Variants in TAPT1 observed in about 807,000 individuals in gnomAD.
TAPT1 encodes the protein transmembrane anterior posterior transformation protein 1 homolog.
In TAPT1, 28 loss-of-function variants were observed where a neutral mutation model predicts 65.6. That is an observed-to-expected ratio of 0.43 (90% CI 0.32 to 0.59). TAPT1 has a LOEUF of 0.59. Ranked by LOEUF, TAPT1 falls within the 20% of genes least tolerant of loss-of-function variation. TAPT1 has a pLI of 0.09. For missense variants in TAPT1, 563 were observed against 679.9 expected, an observed-to-expected ratio of 0.83 and a Z score of 1.91; for synonymous variants, 278 against 245.2, an observed-to-expected ratio of 1.13 and a Z score of -1.25.
At chr4:16,163,900 T>G (rs1260133779) in intron 13 of TAPT1, among the ~76,000 whole-genome samples, 1 of 152,104 alleles carries the variant, frequency 6.6e-6, no homozygotes, top group Non-Finnish European at 1.5e-5. Context: ...ATACAGAACA[T>G]CAGGGAGTGG....
intron 1 of TAPT1, among the ~76,000 whole-genome samples, chr4:16,220,451 C>T (rs1751188817): frequency 6.6e-6 from 1 of 152,154 alleles, no homozygotes; most frequent in South Asian, 2.1e-4. Flanking sequence ...GTTCATTTAT[C>T]CCAATCTTAC....
chr4:16,168,541 C>T (rs12643544), intron 12 of TAPT1, among the ~76,000 whole-genome samples: 25,956 of 152,242 alleles, frequency 0.17, 2,646 homozygotes, highest in East Asian at 0.3. Context: ...GCTGAGCCTA[C>T]GCTCTTCCCA....
At chr4:16,188,913 G>A (rs1209930491) in intron 4 of TAPT1, among the ~76,000 whole-genome samples, 1 of 151,408 alleles carries the variant, frequency 6.6e-6, no homozygotes, top group East Asian at 1.9e-4. Context: ...GCGCGACTCT[G>A]ACTCAACCAA....
intron 2 of TAPT1, among the ~76,000 whole-genome samples, chr4:16,207,297 C>T (rs1268617428): frequency 1.3e-5 from 2 of 152,154 alleles, no homozygotes; most frequent in Non-Finnish European, 2.9e-5. Context: ...AATGAAATCC[C>T]AGGACTGTTT....
Position 16,206,309 on chromosome 4 carries a change from T to C in TAPT1, c.331-3729A>G, listed in dbSNP as rs1750340980. Among the ~76,000 whole-genome samples, 5 of 152,252 alleles carry C rather than the reference T, an allele frequency of 3.3e-5. No individual in the cohort carries two copies. The South Asian group carries it at 8.3e-4, about 25-fold the overall frequency. On this transcript the variant is annotated intron_variant, in intron 2 of 13. Transcript: ENST00000405303. ...CACATAGAATGATCCTGAGACTTTC[T>C]TGCTTCTCTTACTTCCAATCCATGT... is the stretch of plus-strand genomic sequence containing the variant.
At chr4:16,196,708 T>C (rs1333616489) in intron 3 of TAPT1, 3 of 1,288,164 alleles carry the variant, frequency 2.3e-6, no homozygotes, top group Admixed American at 2.3e-5. Flanking sequence ...GAAGTGAAAG[T>C]GCTCCTCCCT....
chr4:16,186,311 C>T (rs1749016325), intron 7 of TAPT1, among the ~76,000 whole-genome samples: 1 of 152,170 alleles, frequency 6.6e-6, no homozygotes, highest in Non-Finnish European at 1.5e-5. Flanking sequence ...AGAAGCTTCT[C>T]AAAGTAGCGT....
At chr4:16,213,535 A>G (rs928279540) in intron 2 of TAPT1, among the ~76,000 whole-genome samples, 5 of 152,210 alleles carry the variant, frequency 3.3e-5, no homozygotes, top group Admixed American at 1.3e-4. Flanking sequence ...ACACAATGAT[A>G]ATGATAGGCA....
At chr4:16,202,839 G>T (rs534179484) in intron 2 of TAPT1, among the ~76,000 whole-genome samples, 1 of 151,974 alleles carries the variant, frequency 6.6e-6, no homozygotes, top group African/African-American at 2.4e-5. Flanking sequence ...CATCTGATGC[G>T]GCTTTCTGAG....
At chr4:16,223,625 G>A (rs923700730) in intron 1 of TAPT1, among the ~76,000 whole-genome samples, 5 of 152,296 alleles carry the variant, frequency 3.3e-5, no homozygotes, top group South Asian at 2.1e-4. Flanking sequence ...GTCAGAACGG[G>A]AGTTCTGAGA....
chr4:16,225,949 A>C, intron 1 of TAPT1: 2 of 990,834 alleles, frequency 2.0e-6, no homozygotes, highest in Non-Finnish European at 1.2e-6. Context: ...GATGCCCGCT[A>C]ACCTAAGACC....
Position 16,163,467 on chromosome 4 carries a change from TATG to T in TAPT1, c.1542_1544del (p.Ile515del), listed in dbSNP as rs1747382549. 1 of 1,614,006 alleles carries T rather than the reference TATG, an allele frequency of 6.2e-7. No individual in the cohort carries two copies. The highest frequency in any genetic ancestry group is 2.2e-5 in the East Asian group (1 of 44,882). ...CAGAATTGCTTGTCACAAGTAATGG[TATG>T]ATATTTTCCTTTTGATGAATAGGTT... On this transcript the variant is annotated inframe_deletion, in exon 14 of 14. Coordinates refer to ENST00000405303, the MANE Select transcript of TAPT1 (RefSeq NM_153365.3).
intron 3 of TAPT1, among the ~76,000 whole-genome samples, chr4:16,193,446 A>G (rs1400420578): frequency 6.6e-6 from 1 of 152,188 alleles, no homozygotes; most frequent in Non-Finnish European, 1.5e-5. Context: ...TCTCCCACAG[A>G]GAGAAAGAGA....
intron 3 of TAPT1, among the ~76,000 whole-genome samples, chr4:16,191,829 A>G (rs1465138652): frequency 1.3e-5 from 2 of 152,260 alleles, no homozygotes; most frequent in African/African-American, 4.8e-5. Flanking sequence ...TTCCACCATT[A>G]TGGCATAAGC....
intron 2 of TAPT1, among the ~76,000 whole-genome samples, chr4:16,202,997 C>T (rs1323282055): frequency 6.6e-6 from 1 of 152,172 alleles, no homozygotes; most frequent in Non-Finnish European, 1.5e-5. Context: ...AAACTGATCA[C>T]TAACTTTAAC....
chr4:16,179,274 C>T (rs1009524915), intron 8 of TAPT1: 3 of 249,248 alleles, frequency 1.2e-5, no homozygotes, highest in African/African-American at 2.3e-5. Context: ...CTGAATACTG[C>T]AGGCAAACTG....
chr4:16,208,654 G>A (rs988353212), intron 2 of TAPT1, among the ~76,000 whole-genome samples: 1 of 152,030 alleles, frequency 6.6e-6, no homozygotes. Context: ...ACTTGGGTCC[G>A]TGACAGCTTC....
intron 4 of TAPT1, chr4:16,190,551 C>A (rs1002849836): frequency 6.6e-6 from 1 of 152,432 alleles, no homozygotes; most frequent in Non-Finnish European, 1.5e-5. Flanking sequence ...GTTGGCCAGT[C>A]TGGTCTTGGA....
chr4:16,180,028 G>C (rs1049286422), intron 7 of TAPT1, among the ~76,000 whole-genome samples: 12 of 152,138 alleles, frequency 7.9e-5, no homozygotes, highest in African/African-American at 2.7e-4. Context: ...TAGAAGCAAA[G>C]AGTAAAATGA....
Sources: allele counts gnomAD v4.1 joint callset (sites outside exome capture counted in the v4.1 genomes callset), GRCh38; gene constraint gnomAD v4.1.1; transcripts MANE v1.5; gene names NCBI Gene and HGNC (gene_info 2026-07-23, HGNC 2026-07-21).